The following IL1RAPL1 variants were observed in gnomAD, a reference collection of about 807,000 sequenced individuals.
IL1RAPL1 encodes interleukin-1 receptor accessory protein-like 1.
In IL1RAPL1, 3 loss-of-function variants were observed where a neutral mutation model predicts 48.4. The observed-to-expected ratio is 0.06, with a 90% CI of 0.03 to 0.16. IL1RAPL1 has a LOEUF of 0.16. Among genes scored for constraint, IL1RAPL1 ranks in the 10% least tolerant of loss-of-function variants. IL1RAPL1 has a pLI of 1.00. For missense variants in IL1RAPL1, 349 were observed against 530.6 expected (o/e 0.66, Z 3.36); for synonymous variants, 185 against 187.7 (o/e 0.99, Z 0.12).
intron 6 of IL1RAPL1, among the ~76,000 whole-genome samples, chrX:29,695,798 T>G (rs1334468018): frequency 1.8e-5 from 2 of 111,248 alleles, no homozygotes; most frequent in African/African-American, 6.6e-5. Context: ...CATTCACTCC[T>G]CAGCAATGGG....
chrX:29,433,399 A>G (rs1033454846), intron 5 of IL1RAPL1, among the ~76,000 whole-genome samples: 11 of 110,912 alleles, frequency 9.9e-5, no homozygotes, highest in Non-Finnish European at 1.9e-4. Context: ...TATTTAACCA[A>G]TTTCCTGTGA....
intron 5 of IL1RAPL1, among the ~76,000 whole-genome samples, chrX:29,549,838 C>A (rs780705209): frequency 5.0e-4 from 56 of 111,613 alleles, no homozygotes; most frequent in Non-Finnish European, 6.8e-4. Flanking sequence ...TTTTGTAATG[C>A]CAATCGTGTA....
In IL1RAPL1 at chrX:28,959,499, T is replaced by C. The variant is rs5985810; in HGVS notation, c.82+170074T>C. 4.0e-3 allele frequency among the ~76,000 whole-genome samples: 447 copies of C among 112,134 alleles called. 4 individuals carry two copies. Among genetic ancestry groups the C allele is most frequent in the African/African-American group, 0.014 (439 of 30,965 alleles). Reference sequence around the variant, plus strand: ...TTATCACCAATATTATTTAAGCCTTTGCCAATTTGGTAGGTGAAAAATAGT... The same window carrying C: ...TTATCACCAATATTATTTAAGCCTTCGCCAATTTGGTAGGTGAAAAATAGT... On this transcript the variant is annotated intron_variant, in intron 2 of 10. Coordinates refer to ENST00000378993, the MANE Select transcript of IL1RAPL1 (RefSeq NM_014271.4).
chrX:28,820,664 A>G (rs1442203612), intron 2 of IL1RAPL1, among the ~76,000 whole-genome samples: 1 of 111,560 alleles, frequency 9.0e-6, no homozygotes, highest in Non-Finnish European at 1.9e-5. Flanking sequence ...GAAAAACTGA[A>G]AACAGAGAGG....
chrX:29,844,136 A>G (rs1239825931), intron 6 of IL1RAPL1, among the ~76,000 whole-genome samples: 1 of 112,023 alleles, frequency 8.9e-6, no homozygotes, highest in Non-Finnish European at 1.9e-5. Context: ...ATGTCTGTCT[A>G]TCCATCCATT....
At chrX:29,501,795 G>GTT (rs36045396) in intron 5 of IL1RAPL1, among the ~76,000 whole-genome samples, 4,665 of 80,522 alleles carry the variant, frequency 0.058, 489 homozygotes, top group African/African-American at 0.22. Flanking sequence ...GCTTATTTGA[G>GTT]TTTTTTTTTT....
chrX:28,973,661 T>C (rs917232801), intron 2 of IL1RAPL1, among the ~76,000 whole-genome samples: 4 of 111,966 alleles, frequency 3.6e-5, no homozygotes, highest in African/African-American at 1.3e-4. Context: ...TGTTTGGATA[T>C]TTCTTTGTTT....
intron 2 of IL1RAPL1, among the ~76,000 whole-genome samples, chrX:29,040,055 A>T (rs1926813181): frequency 8.9e-6 from 1 of 112,249 alleles, no homozygotes; most frequent in African/African-American, 3.2e-5. Flanking sequence ...GCCTAGATTT[A>T]AAAAAATGAA....
At chrX:29,811,441 T>G (rs1313695524) in intron 6 of IL1RAPL1, among the ~76,000 whole-genome samples, 1 of 90,351 alleles carries the variant, frequency 1.1e-5, no homozygotes, top group Non-Finnish European at 2.1e-5. Context: ...CCTTTTCACG[T>G]TTTTTTTTTT....
At chrX:29,822,709 C>T (rs1930649390) in intron 6 of IL1RAPL1, among the ~76,000 whole-genome samples, 1 of 111,341 alleles carries the variant, frequency 9.0e-6, no homozygotes, top group African/African-American at 3.3e-5. Flanking sequence ...TTTTATTCAA[C>T]GTGGCAGCCT....
At position 28,588,013 on chromosome X, in the gene IL1RAPL1, T is replaced by C. The variant is rs1933862133; in HGVS notation, c.-59T>C. ...GACCAGCAATTACCTTACCGACTAA[T>C]ATCCAGAGGAGAATAATTTGGAAGA... On this transcript the variant is annotated 5_prime_UTR_variant, in exon 1 of 11. Coordinates refer to ENST00000378993, the MANE Select transcript of IL1RAPL1 (RefSeq NM_014271.4). 8.9e-6 allele frequency: 1 copy of C among 111,979 alleles called. No homozygotes were observed. Among genetic ancestry groups the C allele is most frequent in the South Asian group, 3.7e-4 (1 of 2,697 alleles). 9.2% of individuals were successfully genotyped at this position (111,979 alleles called of 1,213,427 possible).
intron 2 of IL1RAPL1, among the ~76,000 whole-genome samples, chrX:29,097,402 T>C (rs750676871): frequency 8.9e-6 from 1 of 112,203 alleles, no homozygotes; most frequent in Admixed American, 9.5e-5. Flanking sequence ...CTTGGAAATA[T>C]AGACACATTT....
At chrX:29,150,854 G>A (rs777733768) in intron 2 of IL1RAPL1, among the ~76,000 whole-genome samples, 202 of 106,473 alleles carry the variant, frequency 1.9e-3, no homozygotes, top group African/African-American at 6.7e-3. Flanking sequence ...ACCGGGAGGC[G>A]GAGGTTGCAG....
intron 6 of IL1RAPL1, among the ~76,000 whole-genome samples, chrX:29,870,872 A>G (rs1011021472): frequency 2.7e-5 from 3 of 112,392 alleles, no homozygotes; most frequent in African/African-American, 9.7e-5. Context: ...TGCAGATGGT[A>G]TTAGATTTCT....
chrX:28,653,184 A>G (rs1421698004), intron 1 of IL1RAPL1, among the ~76,000 whole-genome samples: 1 of 111,653 alleles, frequency 9.0e-6, no homozygotes, highest in Admixed American at 9.5e-5. Flanking sequence ...TTTTCTTTAA[A>G]GCTTTCTTGG....
chrX:29,225,239 T>C (rs1400037239), intron 2 of IL1RAPL1, among the ~76,000 whole-genome samples: 1 of 112,389 alleles, frequency 8.9e-6, no homozygotes, highest in East Asian at 2.8e-4. Flanking sequence ...GAAATAGGAA[T>C]ATTTTTATTA....
intron 9 of IL1RAPL1, among the ~76,000 whole-genome samples, chrX:29,949,451 C>T (rs1933274995): frequency 9.0e-6 from 1 of 111,476 alleles, no homozygotes; most frequent in Non-Finnish European, 1.9e-5. Context: ...TTTTGAAAGT[C>T]ATAAGAAAGA....
chrX:29,018,793 C>T (rs1022862459), intron 2 of IL1RAPL1, among the ~76,000 whole-genome samples: 9 of 111,828 alleles, frequency 8.0e-5, no homozygotes, highest in Non-Finnish European at 1.5e-4. Flanking sequence ...GGCCTAGACA[C>T]AAACCACCAC....
At chrX:29,639,014 G>A (rs1471677465) in intron 5 of IL1RAPL1, among the ~76,000 whole-genome samples, 1 of 110,582 alleles carries the variant, frequency 9.0e-6, no homozygotes, top group Non-Finnish European at 1.9e-5. Flanking sequence ...GTGAAACCCC[G>A]TCTCTACTAA....
Sources: gnomAD v4.1 joint callset for allele counts (sites outside exome capture counted in the v4.1 genomes callset) on GRCh38, gnomAD v4.1.1 for gene constraint, MANE v1.5 for transcripts, NCBI Gene and HGNC (gene_info 2026-07-23, HGNC 2026-07-21) for gene names.